SRGAP3: variants seen among roughly 807,000 people sequenced by gnomAD.
SRGAP3 encodes the protein SLIT-ROBO Rho GTPase activating protein 3.
Under a neutral mutation model 121.1 loss-of-function variants are expected in SRGAP3, and 39 were observed. The observed-to-expected ratio is 0.32, with a 90% confidence interval of 0.25 to 0.42. The LOEUF (loss-of-function observed/expected upper bound fraction) is 0.42, where lower values mean the gene tolerates loss of function less well. Among genes scored for constraint, SRGAP3 ranks in the 10% least tolerant of loss-of-function variants. The pLI, the probability that SRGAP3 is intolerant of heterozygous loss-of-function variation, is 1.00. For synonymous variants in SRGAP3, 601 were observed against 570.0 expected (o/e 1.05, Z -0.77); for missense variants, 1,213 against 1,470.6 (o/e 0.82, Z 2.86).
At chr3:9,282,724 C>T (rs954071623) in intron 3 of SRGAP3, among the ~76,000 whole-genome samples, 3 of 152,052 alleles carry the variant, frequency 2.0e-5, no homozygotes, top group Admixed American at 6.6e-5. Flanking sequence ...TCAAGTGATT[C>T]GCCCACCTCA....
At chr3:9,038,030 A>G (rs867528) in intron 11 of SRGAP3, 33 bp downstream of exon 11, 149,250 of 1,613,738 alleles carry the variant, frequency 0.092, 8,816 homozygotes, top group African/African-American at 0.28. Flanking sequence ...CTCGGGCAGC[A>G]GATGAAAGAA....
intron 3 of SRGAP3, chr3:9,293,099 C>T (rs1488117197): frequency 6.7e-6 from 1 of 150,324 alleles, no homozygotes; most frequent in African/African-American, 2.4e-5. Flanking sequence ...GACTATATCA[C>T]AATTGCATCC....
intron 14 of SRGAP3, among the ~76,000 whole-genome samples, chr3:9,019,600 G>A (rs1211665176): frequency 1.3e-5 from 2 of 152,244 alleles, no homozygotes; most frequent in African/African-American, 2.4e-5. Flanking sequence ...GGCAAGCAAT[G>A]AAAAGCAGAA....
At chr3:9,006,262 T>C (rs1322156382) in intron 18 of SRGAP3, among the ~76,000 whole-genome samples, 1 of 151,956 alleles carries the variant, frequency 6.6e-6, no homozygotes, top group African/African-American at 2.4e-5. Context: ...TAGCCGGGCA[T>C]GGTGGTACAT....
intron 1 of SRGAP3, among the ~76,000 whole-genome samples, chr3:9,168,798 A>G (rs148116423): frequency 1.5e-3 from 228 of 152,354 alleles, no homozygotes; most frequent in African/African-American, 3.5e-3. Flanking sequence ...TCATTCATTC[A>G]TTTTTTGGGC....
At chr3:9,035,361 T>C (rs1944697189) in intron 11 of SRGAP3, 1 of 167,964 alleles carries the variant, frequency 6.0e-6, no homozygotes, top group South Asian at 2.0e-4. Context: ...CCATTTTTCC[T>C]GCCCAATCCA....
intron 10 of SRGAP3, among the ~76,000 whole-genome samples, chr3:9,044,426 C>T (rs1254888426): frequency 1.3e-5 from 2 of 152,152 alleles, no homozygotes; most frequent in Admixed American, 6.5e-5. Flanking sequence ...GCCGCGATGG[C>T]GTAAGATTTT....
intron 2 of SRGAP3, among the ~76,000 whole-genome samples, chr3:9,329,081 G>C (rs1005015538): frequency 5.3e-5 from 8 of 152,048 alleles, no homozygotes; most frequent in African/African-American, 1.9e-4. Flanking sequence ...GAGTTTATGG[G>C]GTCCTAACCC....
intron 3 of SRGAP3, among the ~76,000 whole-genome samples, chr3:9,307,100 G>A (rs1955172666): frequency 6.6e-6 from 1 of 152,102 alleles, no homozygotes; most frequent in African/African-American, 2.4e-5. Context: ...AGCCTCCCGA[G>A]TAGTTGGGAC....
chr3:9,133,066 G>A lies in SRGAP3; in HGVS notation c.68-8149C>T, dbSNP rs1450971939. 2.7e-5 allele frequency among the ~76,000 whole-genome samples: 4 copies of A among 149,016 alleles called. No individual in the cohort carries two copies. The East Asian group carries it at 7.8e-4, about 29-fold the overall frequency. ...ATATATTATATAGATCTATATATAA[G>A]AGAGAATATCTATATATAGAATTTA... On this transcript the variant is annotated intron_variant, in intron 1 of 21. Transcript: ENST00000383836.
At chr3:9,131,746 G>A (rs1221648838) in intron 1 of SRGAP3, among the ~76,000 whole-genome samples, 1 of 152,032 alleles carries the variant, frequency 6.6e-6, no homozygotes, top group Non-Finnish European at 1.5e-5. Context: ...CCGGCCGTAA[G>A]AACTAATTCT....
intron 1 of SRGAP3, among the ~76,000 whole-genome samples, chr3:9,182,297 C>CT (rs1951438634): frequency 6.6e-6 from 1 of 150,998 alleles, no homozygotes; most frequent in South Asian, 2.1e-4. Flanking sequence ...AAAATGAGGT[C>CT]ATCAGGGCAT....
intron 15 of SRGAP3, among the ~76,000 whole-genome samples, chr3:9,014,585 G>A (rs561623801): frequency 3.3e-5 from 5 of 152,186 alleles, no homozygotes; most frequent in Non-Finnish European, 7.3e-5. Flanking sequence ...AACACTGGCT[G>A]AGCAAGTGAT....
intron 15 of SRGAP3, 111 bp downstream of exon 15, chr3:9,015,486 C>G (rs1574911757): frequency 2.8e-6 from 4 of 1,419,772 alleles, no homozygotes; most frequent in Non-Finnish European, 3.9e-6. Context: ...GCACGTCACA[C>G]TTCGCCTTTC....
At chr3:9,153,735 T>C (rs926706484) in intron 1 of SRGAP3, among the ~76,000 whole-genome samples, 1 of 140,344 alleles carries the variant, frequency 7.1e-6, no homozygotes, top group Admixed American at 7.1e-5. Context: ...CATCTTGCTA[T>C]ATGTACTCTA....
intron 3 of SRGAP3, chr3:9,292,894 T>C (rs1954892312): frequency 6.6e-6 from 1 of 152,216 alleles, no homozygotes; most frequent in Non-Finnish European, 1.5e-5. Flanking sequence ...CATTAATCTC[T>C]GATTGTCTTC....
intron 2 of SRGAP3, among the ~76,000 whole-genome samples, chr3:9,118,565 G>A (rs1560189377): frequency 6.6e-6 from 1 of 152,168 alleles, no homozygotes; most frequent in East Asian, 1.9e-4. Flanking sequence ...GTGAAGAGGA[G>A]GGAAGGCCAG....
chr3:9,082,824 TCTC>T (rs1433353521), intron 3 of SRGAP3, among the ~76,000 whole-genome samples: 1 of 152,102 alleles, frequency 6.6e-6, no homozygotes, highest in Non-Finnish European at 1.5e-5. Flanking sequence ...TCAGGCTCCT[TCTC>T]CTCACCCCCC....
intron 1 of SRGAP3, among the ~76,000 whole-genome samples, chr3:9,331,115 G>T (rs1439497117): frequency 6.6e-6 from 1 of 151,836 alleles, no homozygotes; most frequent in Non-Finnish European, 1.5e-5. Context: ...TTCTCTTTTT[G>T]CTTTTCCATA....
Sources: gnomAD v4.1 joint callset for allele counts (sites outside exome capture counted in the v4.1 genomes callset) on GRCh38, gnomAD v4.1.1 for gene constraint, MANE v1.5 for transcripts, NCBI Gene and HGNC (gene_info 2026-07-23, HGNC 2026-07-21) for gene names.